The following PFKFB4 variants were observed in gnomAD, a reference collection of about 807,000 sequenced individuals.
The protein encoded by PFKFB4 is 6-phosphofructo-2-kinase/fructose-2,6-bisphosphatase 4.
Under a neutral mutation model 62.8 loss-of-function variants are expected in PFKFB4, and 42 were observed. The observed-to-expected ratio is 0.67, with a 90% CI of 0.52 to 0.86. The LOEUF (loss-of-function observed/expected upper bound fraction) is 0.86. Ranked by LOEUF, PFKFB4 falls within the 40% of genes least tolerant of loss-of-function variation. PFKFB4 has a pLI of 0.00. For synonymous variants in PFKFB4, 204 were observed against 240.7 expected (o/e 0.85, Z 1.41); for missense variants, 475 against 627.2 (o/e 0.76, Z 2.59).
chr3:48,556,782 G>C lies in PFKFB4; in HGVS notation c.-5C>G. ...CAATTCCCGTGGGGACGCCATCCCGGGGCCGGGATGAGTCGGACTGCGCCG... is the reference window on the plus strand; with the variant it reads ...CAATTCCCGTGGGGACGCCATCCCGCGGCCGGGATGAGTCGGACTGCGCCG... On this transcript the variant is annotated 5_prime_UTR_variant, in exon 1 of 14. Transcript: ENST00000232375. This position sits in a 1 kb window ranked among gnomAD's most constrained non-coding sequence, Gnocchi z 5.7. 2.5e-6 allele frequency: 4 copies of C among 1,599,618 alleles called. No homozygotes were observed. The highest frequency in any genetic ancestry group is 2.6e-6 in the Non-Finnish European group (3 of 1,173,344).
intron 3 of PFKFB4, 120 bp downstream of exon 3, chr3:48,549,744 C>A: frequency 1.4e-6 from 1 of 709,932 alleles, no homozygotes; most frequent in Non-Finnish European, 2.6e-6. Context: ...AGGAGTAGCT[C>A]AGTCATTCAC....
intron 10 of PFKFB4, 65 bp from the exon 11 acceptor site, chr3:48,523,895 G>C (rs2042175935): frequency 6.5e-7 from 1 of 1,527,474 alleles, no homozygotes. Context: ...ACACATCCTG[G>C]ACACTGGGCC....
upstream of PFKFB4, among the ~76,000 whole-genome samples, chr3:48,557,562 G>A (rs1458674661): frequency 6.6e-6 from 1 of 151,798 alleles, no homozygotes; most frequent in Non-Finnish European, 1.5e-5. Flanking sequence ...TTGAGACGGA[G>A]TTTCGCTCCT....
At chr3:48,554,054 C>T (rs1298939083) in intron 1 of PFKFB4, among the ~76,000 whole-genome samples, 5 of 152,084 alleles carry the variant, frequency 3.3e-5, no homozygotes, top group Admixed American at 6.6e-5. Flanking sequence ...CAAGCGGGGG[C>T]GTGCCTGTGG....
upstream of PFKFB4, among the ~76,000 whole-genome samples, chr3:48,560,375 G>A (rs2043413833): frequency 1.3e-5 from 2 of 152,206 alleles, no homozygotes; most frequent in South Asian, 4.1e-4. Flanking sequence ...GCCATTTCCA[G>A]CAAAGGATTG....
In PFKFB4 at chr3:48,523,556, C is replaced by T. The variant is rs771201976; in HGVS notation, c.1266G>A (p.Lys422=). The change falls in exon 12 of 14, where the codon AAG becomes AAA. Residue 422 remains lysine, a synonymous_variant. Coordinates refer to ENST00000232375, the MANE Select transcript of PFKFB4 (RefSeq NM_004567.4). ...CCTTACCATATGCCACAGGAGTCAG[C>T]TTCAGGACTGTGTGCAGCGGACACT... ...YLKCPLHTVL[K]LTPVAYGCKV... The T allele has an allele frequency of 1.9e-6, 3 of 1,614,142 alleles. No individual in the cohort carries two copies. In the South Asian group the frequency reaches 3.3e-5, roughly 18 times the overall value.
chr3:48,559,479 C>T, upstream of PFKFB4: 1 of 456,706 alleles, frequency 2.2e-6, no homozygotes, highest in East Asian at 6.9e-5. Context: ...TGCCACACTA[C>T]AGTGGAATCG....
chr3:48,534,723 A>C (rs1397291499), intron 9 of PFKFB4, among the ~76,000 whole-genome samples: 1 of 152,102 alleles, frequency 6.6e-6, no homozygotes, highest in Non-Finnish European at 1.5e-5. Context: ...TCAGAGAAAA[A>C]GGAGGTAACA....
chr3:48,562,806 C>A, upstream of PFKFB4: 1 of 1,559,278 alleles, frequency 6.4e-7, no homozygotes. This position sits in a 1 kb window ranked among gnomAD's most constrained non-coding sequence, Gnocchi z 4.3. Context: ...CCGACACGGG[C>A]CAGGATGCGG....
chr3:48,522,221 G>A (rs1221199518), intron 12 of PFKFB4, among the ~76,000 whole-genome samples, 171 bp from the exon 13 acceptor site: 6 of 152,196 alleles, frequency 3.9e-5, no homozygotes, highest in Admixed American at 3.9e-4. Flanking sequence ...GAGGAAGGAT[G>A]AGACACGCTG....
intron 10 of PFKFB4, among the ~76,000 whole-genome samples, chr3:48,524,983 G>T (rs1420794914): frequency 6.6e-6 from 1 of 152,048 alleles, no homozygotes; most frequent in Non-Finnish European, 1.5e-5. Context: ...GGCTGGGGGT[G>T]GTGCCTGGAG....
intron 8 of PFKFB4, 133 bp from the exon 9 acceptor site, chr3:48,535,791 C>T (rs1313858250): frequency 3.9e-6 from 4 of 1,035,190 alleles, no homozygotes; most frequent in Non-Finnish European, 5.7e-6. Context: ...CATGAACTAA[C>T]TTGTCGATGA....
At position 48,519,803 on chromosome 3, in the gene PFKFB4, C is replaced by A; in HGVS notation, c.1354G>T (p.Val452Leu). The A allele has an allele frequency of 6.2e-7, 1 of 1,613,086 alleles. No individual in the cohort carries two copies. Among genetic ancestry groups the A allele is most frequent in the South Asian group, 1.1e-5 (1 of 91,070 alleles). ...TCCTCTGGAGGTCTTGAGATGTCCA[C>A]GTTCTGTACAATAAAAACACAGAGC... ...VNTHRDRPQN[V>L]DISRPPEEAL... The change falls in exon 14 of 14, where the codon GTG (valine) becomes TTG (leucine). Residue 452 changes from valine to leucine, a missense_variant. Coordinates refer to ENST00000232375, the MANE Select transcript of PFKFB4 (RefSeq NM_004567.4).
chr3:48,536,359 TG>T lies in PFKFB4; in HGVS notation c.736del (p.His246ThrfsTer2), dbSNP rs1188828994. ...GAGGTAGATGGAGCGGGGGGTCACG[TG>T]GATGTTCATGAGGTAATATACGATG... ...SRIVYYLMNI[H>X]VTPRSIYLCR... On this transcript the variant is annotated frameshift_variant, in exon 8 of 14. Transcript: ENST00000232375. LOFTEE classifies it high-confidence loss of function. 2 of 1,614,040 alleles carry T rather than the reference TG, an allele frequency of 1.2e-6. No individual in the cohort carries two copies. Among genetic ancestry groups the T allele is most frequent in the Non-Finnish European group, 1.7e-6 (2 of 1,179,988 alleles).
chr3:48,527,742 C>T (rs958279014), intron 9 of PFKFB4, among the ~76,000 whole-genome samples: 3 of 144,970 alleles, frequency 2.1e-5, no homozygotes, highest in Admixed American at 1.4e-4. Context: ...GGCTGGAGTG[C>T]AGTGGTGCAA....
intron 2 of PFKFB4, 41 bp downstream of exon 2, chr3:48,550,077 C>A: frequency 1.3e-6 from 2 of 1,482,220 alleles, no homozygotes; most frequent in Non-Finnish European, 1.9e-6. Context: ...CTTCGTCATG[C>A]CCCACAAAGC....
intron 6 of PFKFB4, 46 bp downstream of exon 6, chr3:48,539,208 T>C: frequency 6.9e-7 from 1 of 1,453,134 alleles, no homozygotes; most frequent in Non-Finnish European, 9.7e-7. Flanking sequence ...AAAAGGGATG[T>C]CCCTGTCACA....
At chr3:48,549,378 C>A (rs536911197) in intron 3 of PFKFB4, among the ~76,000 whole-genome samples, 1 of 152,096 alleles carries the variant, frequency 6.6e-6, no homozygotes, top group African/African-American at 2.4e-5. Context: ...GGGAGGAAGC[C>A]CCCCACCCCC....
chr3:48,532,623 G>T (rs1035924943), intron 9 of PFKFB4, among the ~76,000 whole-genome samples: 4 of 152,206 alleles, frequency 2.6e-5, no homozygotes. Context: ...GGCCAAAGTG[G>T]TAGAATCGCT....
Sources: gnomAD v4.1 joint callset for allele counts (sites outside exome capture counted in the v4.1 genomes callset) on GRCh38, gnomAD v4.1.1 for gene constraint, Gnocchi (gnomAD v3.1) non-coding constraint, MANE v1.5 for transcripts, NCBI Gene and HGNC (gene_info 2026-07-23, HGNC 2026-07-21) for gene names.